The following ZNF655 variants were observed in gnomAD, a reference collection of about 807,000 sequenced individuals.
The protein encoded by ZNF655 is zinc finger protein 655.
Under a neutral mutation model 6.6 loss-of-function variants are expected in ZNF655, and 3 were observed. The ratio of observed to expected loss-of-function variants is 0.46; its 90% CI spans 0.21 to 1.18. The LOEUF is 1.18. ZNF655 is among the 50% of genes most tolerant of loss of function. The pLI, the probability that ZNF655 is intolerant of heterozygous loss-of-function variation, is 0.24. For synonymous variants in ZNF655, 178 were observed against 195.0 expected, an observed-to-expected ratio of 0.91 and a Z score of 0.73; for missense variants, 526 against 572.3, an observed-to-expected ratio of 0.92 and a Z score of 0.83.
Position 99,560,646 on chromosome 7 carries a change from A to C in ZNF655, c.87A>C (p.Pro29=), listed in dbSNP as rs1803063822. Residue 29 remains proline, a synonymous_variant, in exon 2 of 3, where the codon CCA becomes CCC. Transcript: ENST00000252713. Reference sequence around the variant, plus strand: ...AGACCCAGTCTGAGTGTCTGTCCCCAGAGCCTCAGTTTGTGCAGGACACCG... The same window carrying C: ...AGACCCAGTCTGAGTGTCTGTCCCCCGAGCCTCAGTTTGTGCAGGACACCG... ...SLETQSECLS[P]EPQFVQDTDM... is the part of the protein sequence containing the mutation. 1.2e-6 allele frequency: 2 copies of C among 1,614,038 alleles called. No individual in the cohort carries two copies. Among genetic ancestry groups the C allele is most frequent in the Non-Finnish European group, 8.5e-7 (1 of 1,180,028 alleles).
In ZNF655 at chr7:99,572,585, T is replaced by C. The variant is rs1308227750; in HGVS notation, c.477T>C (p.Asn159=). 3.1e-6 allele frequency: 5 copies of C among 1,613,706 alleles called. No homozygotes were observed. The highest frequency in any genetic ancestry group is 4.2e-6 in the Non-Finnish European group (5 of 1,179,958). Reference sequence around the variant, plus strand: ...TTAGAATACAGAATACCGATGACAATGATAAGTATGACATGAGCTTCAACC... The same window carrying C: ...TTAGAATACAGAATACCGATGACAACGATAAGTATGACATGAGCTTCAACC... The part of the protein sequence containing the change: ...RVLRIQNTDD[N]DKYDMSFNQN... Residue 159 remains asparagine (N), a synonymous_variant, in exon 3 of 3, where the codon AAT becomes AAC. Transcript: ENST00000252713.
chr7:99,574,342 C>G lies in ZNF655; in HGVS notation c.*758C>G, dbSNP rs546947925. The G allele has an allele frequency of 3.9e-5, 6 of 152,302 alleles. No individual in the cohort carries two copies. In the South Asian group the frequency reaches 1.2e-3, roughly 32 times the overall value. The allele number at this position is 152,302 out of a possible 1,614,324, so 9.4% of individuals were successfully genotyped here. On this transcript the variant is annotated 3_prime_UTR_variant, in exon 3 of 3. Transcript: ENST00000252713. ...CTTGGTAAATGCAGTGACATTTTCT[C>G]ATGGAGTTCCTTTATTTAATATGTA...
At position 99,573,717 on chromosome 7, in the gene ZNF655, C is replaced by G. The variant is rs1804248093; in HGVS notation, c.*133C>G. The G allele has an allele frequency of 2.9e-6, 3 of 1,035,838 alleles. No individual in the cohort carries two copies. The highest frequency in any genetic ancestry group is 2.8e-6 in the Non-Finnish European group (2 of 720,104). 64.2% of individuals were successfully genotyped at this position (1,035,838 alleles called of 1,614,324 possible). ...TCATAGCTCAGCCATTGCTCAGCAT[C>G]AGATAATTCACACCAGAGAGAAACC... On this transcript the variant is annotated 3_prime_UTR_variant, in exon 3 of 3. Transcript: ENST00000252713.
At chr7:99,566,638 G>T (rs1803655104) in intron 2 of ZNF655, among the ~76,000 whole-genome samples, 1 of 152,130 alleles carries the variant, frequency 6.6e-6, no homozygotes, top group East Asian at 1.9e-4. Context: ...GCTCACTGCA[G>T]CCTGGACTTC....
At chr7:99,566,391 G>A (rs1401960117) in intron 2 of ZNF655, among the ~76,000 whole-genome samples, 2 of 152,124 alleles carry the variant, frequency 1.3e-5, no homozygotes, top group African/African-American at 4.8e-5. Flanking sequence ...CATTCAAAAA[G>A]TAAAACTCTC....
At chr7:99,565,481 T>C (rs1195107942) in intron 2 of ZNF655, among the ~76,000 whole-genome samples, 3 of 152,224 alleles carry the variant, frequency 2.0e-5, no homozygotes, top group Non-Finnish European at 4.4e-5. Flanking sequence ...CCAGATTGTA[T>C]TTGTCACAGA....
rs1804347908 is a variant in ZNF655, at chr7:99,575,538, A to G, written c.*1954A>G. The G allele has an allele frequency of 6.7e-6, 1 of 150,352 alleles. No individual in the cohort carries two copies. The highest frequency in any genetic ancestry group is 1.9e-4 in the East Asian group (1 of 5,180). 9.3% of individuals were successfully genotyped at this position (150,352 alleles called of 1,614,324 possible). On this transcript the variant is annotated 3_prime_UTR_variant, in exon 3 of 3. Coordinates refer to ENST00000252713, the MANE Select transcript of ZNF655 (RefSeq NM_138494.3). ...GGCGACAGAGCAGGACTCTCTCTCA[A>G]AAAAACACAAAAAAACAAAAACAAA...
At chr7:99,572,157 A>G in intron 2 of ZNF655, 88 bp from the exon 3 acceptor site, 2 of 1,378,888 alleles carry the variant, frequency 1.5e-6, no homozygotes, top group South Asian at 1.5e-5. Flanking sequence ...TGTAGATACT[A>G]CATTGTTTAG....
rs553751630 is a variant in ZNF655 at position 99,573,662 on chromosome 7, T to C, written c.*78T>C. The stretch of plus-strand genomic sequence containing the variant: ...GAGAGTTCACACCAGGGAGAAATCA[T>C]GTATGTACTGCATGTGGTAAAGCCT... On this transcript the variant is annotated 3_prime_UTR_variant, in exon 3 of 3. Transcript: ENST00000252713. 679 of 1,492,980 alleles carry C rather than the reference T, an allele frequency of 4.5e-4. No homozygotes were observed. Among genetic ancestry groups the C allele is most frequent in the Non-Finnish European group, 5.6e-4 (622 of 1,112,774 alleles). 92.5% of individuals were successfully genotyped at this position (1,492,980 alleles called of 1,614,324 possible). A position where few individuals can be genotyped will look rare whatever the true frequency, so the allele number is the denominator to read the frequency against.
In ZNF655 at chr7:99,573,609, T is replaced by C; in HGVS notation, c.*25T>C. ...AATGTAATGAAGATGGGAAGATATT[T>C]ATCAAATTCAGGCTTCATTCAGCAT... On this transcript the variant is annotated 3_prime_UTR_variant, in exon 3 of 3. Transcript: ENST00000252713. 6.3e-7 allele frequency: 1 copy of C among 1,580,436 alleles called. No homozygotes were observed.
intron 2 of ZNF655, chr7:99,571,680 A>T (rs202043144): frequency 6.3e-7 from 1 of 1,595,486 alleles, no homozygotes; most frequent in African/African-American, 1.3e-5. Context: ...TTCCTTCTCT[A>T]TGAGCAGGAT....
intron 2 of ZNF655, chr7:99,571,454 T>A: frequency 7.9e-7 from 1 of 1,260,886 alleles, no homozygotes; most frequent in South Asian, 1.5e-5. Context: ...CTGAATAATA[T>A]TTAAATGAAT....
intron 2 of ZNF655, chr7:99,562,182 C>T: frequency 4.9e-6 from 4 of 815,862 alleles, no homozygotes; most frequent in Non-Finnish European, 7.4e-6. Flanking sequence ...TTCTCTTTGT[C>T]CATGGTTGTG....
rs185703139 is a variant in ZNF655 at position 99,576,061 on chromosome 7, T to G, written c.*2477T>G. 3.3e-5 allele frequency: 5 copies of G among 152,336 alleles called. No individual in the cohort carries two copies. Among genetic ancestry groups the G allele is most frequent in the Admixed American group, 2.6e-4 (4 of 15,298 alleles). The allele number at this position is 152,336 out of a possible 1,614,324, so 9.4% of individuals were successfully genotyped here. A position where few individuals can be genotyped will look rare whatever the true frequency, so the allele number is the denominator to read the frequency against. ...TTGAGGCTTTCATAGTTCAGTGTTATAATATTCAGTAGGGACCCTCAACAA... is the reference window on the plus strand; with the variant it reads ...TTGAGGCTTTCATAGTTCAGTGTTAGAATATTCAGTAGGGACCCTCAACAA... On this transcript the variant is annotated 3_prime_UTR_variant, in exon 3 of 3. Transcript: ENST00000252713.
At chr7:99,571,027 T>C (rs1804020241) in intron 2 of ZNF655, 2 of 238,566 alleles carry the variant, frequency 8.4e-6, no homozygotes, top group Non-Finnish European at 1.7e-5. Flanking sequence ...TTTAGAGCTG[T>C]CTCTGTGTAG....
chr7:99,566,327 C>T (rs11981478), intron 2 of ZNF655, among the ~76,000 whole-genome samples: 18,255 of 151,918 alleles, frequency 0.12, 1,368 homozygotes, highest in African/African-American at 0.21. Context: ...TTCAAAATGC[C>T]ATGACAAATT....
At chr7:99,562,709 A>G (rs1803297087) in intron 2 of ZNF655, among the ~76,000 whole-genome samples, 1 of 151,950 alleles carries the variant, frequency 6.6e-6, no homozygotes, top group Non-Finnish European at 1.5e-5. Flanking sequence ...CCTTATCCCC[A>G]GTTCATGTTT....
intron 2 of ZNF655, chr7:99,560,989 A>G (rs1423087310): frequency 1.2e-5 from 3 of 241,628 alleles, no homozygotes; most frequent in Non-Finnish European, 2.4e-5. Context: ...ATAATTTCTA[A>G]GATATGCTGC....
intron 2 of ZNF655, among the ~76,000 whole-genome samples, chr7:99,567,661 G>T (rs577371194): frequency 9.2e-5 from 14 of 152,306 alleles, no homozygotes; most frequent in African/African-American, 3.4e-4. Flanking sequence ...ACCAGCTGTA[G>T]TATGTTGAGC....
Sources: allele counts gnomAD v4.1 joint callset (sites outside exome capture counted in the v4.1 genomes callset), GRCh38; gene constraint gnomAD v4.1.1; transcripts MANE v1.5; gene names NCBI Gene and HGNC (gene_info 2026-07-23, HGNC 2026-07-21).